FREM2: variants seen among roughly 807,000 people sequenced by gnomAD.
FREM2 encodes FRAS1 related extracellular matrix 2, also known as FRAS1-related extracellular matrix protein 2.
Under a neutral mutation model 219.9 loss-of-function variants are expected in FREM2, and 119 were observed. That is an observed-to-expected ratio of 0.54 (90% CI 0.47 to 0.63). FREM2 has a LOEUF of 0.63. Among genes scored for constraint, FREM2 ranks in the 30% least tolerant of loss-of-function variants. The pLI is 0.00. For missense variants in FREM2, 4,030 were observed against 3,993.6 expected, an observed-to-expected ratio of 1.01 and a Z score of -0.25; for synonymous variants, 1,562 against 1,522.8, an observed-to-expected ratio of 1.03 and a Z score of -0.60.
chr13:38,797,683 C>G (rs1474814531), intron 6 of FREM2, among the ~76,000 whole-genome samples: 2 of 152,012 alleles, frequency 1.3e-5, no homozygotes, highest in African/African-American at 4.8e-5. Flanking sequence ...TCTGCCTAGA[C>G]AAATGTTCCC....
In FREM2 at chr13:38,873,086, CA is replaced by C. The variant is rs1191052412; in HGVS notation, c.8176+158del. On this transcript the variant is annotated intron_variant, in intron 17 of 23. Transcript: ENST00000280481. ...AATAAGATAATTTCACCTTTTTCAT[CA>C]AAAAACTCTTTAAACCATATTAGGG... The C allele has an allele frequency of 1.3e-5, 9 of 701,890 alleles. 1 individual carries two copies. In the East Asian group the frequency reaches 2.5e-4, roughly 19 times the overall value. 43.5% of individuals were successfully genotyped at this position (701,890 alleles called of 1,614,324 possible).
intron 11 of FREM2, among the ~76,000 whole-genome samples, chr13:38,854,505 G>A (rs1043961331): frequency 6.6e-6 from 1 of 152,082 alleles, no homozygotes; most frequent in African/African-American, 2.4e-5. Context: ...GCAGGAAGGT[G>A]CCAAAAAACT....
rs762007930 is a variant in FREM2 at position 38,690,657 on chromosome 13, A to G, written c.3313A>G (p.Thr1105Ala). The change falls in exon 1 of 24, where the codon ACT becomes GCT. Residue 1105 changes from threonine to alanine, a missense_variant. Thr to Ala is a moderately conservative substitution (Grantham distance 58). Around this residue, in one of 2 missense-constraint regions of FREM2, gnomAD observed 3,102 missense variants for 2,950.7 expected, o/e 1.05. Transcript: ENST00000280481. Reference sequence around the variant, plus strand: ...CTCCCTGAATGATGACATCTTGTGCACTATAGTTATTCAGCCTACTTCAGG... The same window carrying G: ...CTCCCTGAATGATGACATCTTGTGCGCTATAGTTATTCAGCCTACTTCAGG... ...VDSLNDDILCTIVIQPTSGYV... is the reference protein window; with the variant it reads ...VDSLNDDILCAIVIQPTSGYV... The G allele has an allele frequency of 3.7e-6, 6 of 1,613,918 alleles. No homozygotes were observed. The highest frequency in any genetic ancestry group is 2.2e-5 in the East Asian group (1 of 44,882).
rs1593460715 is a variant in FREM2, at chr13:38,878,882, A to G, written c.8911A>G (p.Asn2971Asp). The G allele has an allele frequency of 3.1e-6, 5 of 1,614,148 alleles. No homozygotes were observed. The East Asian group carries it at 1.1e-4, about 36-fold the overall frequency. The change falls in exon 23 of 24, where the codon AAT becomes GAT. Residue 2971 changes from asparagine to aspartate, a missense_variant. Asn to Asp is a conservative substitution (Grantham distance 23). Transcript: ENST00000280481. ...QATSFGNVLF[N>D]AKLAVDDPEA... is the part of the protein sequence containing the mutation. ...GACCAGTTTTGGAAATGTCCTATTT[A>G]ATGCCAAACTAGCAGTGGATGACCC...
At chr13:38,836,386 G>A (rs1876706888) in intron 6 of FREM2, among the ~76,000 whole-genome samples, 1 of 152,178 alleles carries the variant, frequency 6.6e-6, no homozygotes, top group Non-Finnish European at 1.5e-5. Flanking sequence ...GTTCATCAGG[G>A]ATAGTGGCCT....
intron 2 of FREM2, among the ~76,000 whole-genome samples, chr13:38,706,660 T>A (rs1055809814): frequency 3.9e-5 from 6 of 152,200 alleles, no homozygotes; most frequent in African/African-American, 1.4e-4. Flanking sequence ...AAAATCCTGC[T>A]TTTTCTGAGA....
intron 6 of FREM2, among the ~76,000 whole-genome samples, chr13:38,815,682 A>G (rs1875737138): frequency 6.6e-6 from 1 of 152,210 alleles, no homozygotes; most frequent in South Asian, 2.1e-4. Flanking sequence ...GCATGGTGCT[A>G]GCACCTGTTC....
intron 2 of FREM2, among the ~76,000 whole-genome samples, chr13:38,733,370 C>G (rs1871847834): frequency 6.7e-6 from 1 of 149,176 alleles, no homozygotes; most frequent in African/African-American, 2.5e-5. Flanking sequence ...AGTGAGGGAT[C>G]ATAGAAAAGC....
In FREM2 at chr13:38,692,319, G is replaced by A. The variant is rs114440488; in HGVS notation, c.4975G>A (p.Ala1659Thr). The A allele has an allele frequency of 5.3e-5, 85 of 1,607,924 alleles. No homozygotes were observed. The African/African-American group carries it at 5.6e-4, about 11-fold the overall frequency. The change falls in exon 1 of 24, where the codon GCA (alanine) becomes ACA (threonine). Residue 1659 changes from alanine (A) to threonine (T), a missense_variant. By Grantham distance (58) the Ala-to-Thr change is moderately conservative. This residue lies in a region of FREM2 where 3,102 missense variants were observed against 2,950.7 expected (regional missense o/e 1.05). Coordinates refer to ENST00000280481, the MANE Select transcript of FREM2 (RefSeq NM_207361.6). ...LAVDNSVPQI[A>T]VNKGASTLRT... is the part of the protein sequence containing the mutation. ...TGTTGACAACAGTGTCCCCCAAATC[G>A]CAGTGAATAAGGGGGCCTCTACACT... is the stretch of plus-strand genomic sequence containing the variant.
At chr13:38,833,210 T>C (rs1183682507) in intron 6 of FREM2, among the ~76,000 whole-genome samples, 1 of 152,198 alleles carries the variant, frequency 6.6e-6, no homozygotes. Context: ...GCATATGGTT[T>C]TGTTTTTTAA....
chr13:38,794,988 C>T (rs1370664305), intron 6 of FREM2, among the ~76,000 whole-genome samples: 1 of 152,070 alleles, frequency 6.6e-6, no homozygotes, highest in Non-Finnish European at 1.5e-5. Context: ...GAGAAAATTA[C>T]TTAAGATCAC....
At chr13:38,718,239 C>T (rs528072707) in intron 2 of FREM2, among the ~76,000 whole-genome samples, 2 of 152,182 alleles carry the variant, frequency 1.3e-5, no homozygotes, top group East Asian at 3.9e-4. Flanking sequence ...ATTTTTAAAA[C>T]TGCAGTATTT....
At chr13:38,798,782 T>A (rs188975078) in intron 6 of FREM2, among the ~76,000 whole-genome samples, 41 of 152,236 alleles carry the variant, frequency 2.7e-4, no homozygotes, top group African/African-American at 9.6e-4. Flanking sequence ...TAGTCTCTGA[T>A]GATCATTTGT....
intron 9 of FREM2, 133 bp downstream of exon 9, chr13:38,850,368 A>T (rs1877326854): frequency 1.3e-6 from 1 of 760,720 alleles, no homozygotes; most frequent in Non-Finnish European, 2.3e-6. Context: ...ATAAATGAGG[A>T]AAGTGAAATC....
intron 2 of FREM2, among the ~76,000 whole-genome samples, chr13:38,700,244 T>C (rs760184758): frequency 1.3e-5 from 2 of 152,106 alleles, no homozygotes; most frequent in Non-Finnish European, 1.5e-5. Context: ...ACCATGGGAA[T>C]CTGGCTCGCC....
intron 6 of FREM2, among the ~76,000 whole-genome samples, chr13:38,839,020 C>T (rs1238565662): frequency 6.6e-6 from 1 of 152,122 alleles, no homozygotes; most frequent in African/African-American, 2.4e-5. Context: ...AGTTGTGATC[C>T]TTTGGAGGAG....
chr13:38,784,789 C>A lies in FREM2; in HGVS notation c.6000C>A (p.Ile2000=), dbSNP rs146568641. 4 of 1,614,122 alleles carry A rather than the reference C, an allele frequency of 2.5e-6. No individual in the cohort carries two copies. Among genetic ancestry groups the A allele is most frequent in the Admixed American group, 1.7e-5 (1 of 60,026 alleles). The change falls in exon 6 of 24, where the codon ATC becomes ATA. Residue 2000 remains isoleucine (I), a synonymous_variant. Coordinates refer to ENST00000280481, the MANE Select transcript of FREM2 (RefSeq NM_207361.6). ...GSEFPGAQVT[I]VPDKDDEPIF... ...AGTTCCCAGGGGCTCAAGTTACAAT[C>A]GTTCCTGACAAAGATGATGGTGAGT...
At chr13:38,713,427 A>T (rs929057403) in intron 2 of FREM2, among the ~76,000 whole-genome samples, 1 of 152,238 alleles carries the variant, frequency 6.6e-6, no homozygotes, top group Non-Finnish European at 1.5e-5. Flanking sequence ...TCTATAATGC[A>T]TACTCTTATC....
chr13:38,707,020 T>C (rs764160140), intron 2 of FREM2, among the ~76,000 whole-genome samples: 26 of 152,316 alleles, frequency 1.7e-4, no homozygotes, highest in Middle Eastern at 3.4e-3. Context: ...AATATTTGTA[T>C]AAATGAGAAA....
Sources: gnomAD v4.1 joint callset for allele counts (sites outside exome capture counted in the v4.1 genomes callset) on GRCh38, gnomAD v4.1.1 for gene constraint, gnomAD v4.1.1 regional missense constraint, MANE v1.5 for transcripts, NCBI Gene and HGNC (gene_info 2026-07-23, HGNC 2026-07-21) for gene names.